Variants in CDC42BPA observed in about 807,000 individuals in gnomAD.
The protein encoded by CDC42BPA is serine/threonine-protein kinase MRCK alpha.
Under a neutral mutation model 223.5 loss-of-function variants are expected in CDC42BPA, and 80 were observed. The observed-to-expected ratio is 0.36, with a 90% CI of 0.30 to 0.43. The LOEUF (loss-of-function observed/expected upper bound fraction) is 0.43. Ranked by LOEUF, CDC42BPA falls within the 20% of genes least tolerant of loss-of-function variation. The pLI is 1.00. For synonymous variants in CDC42BPA, 694 were observed against 718.6 expected (o/e 0.97, Z 0.55); for missense variants, 1,743 against 2,099.9 (o/e 0.83, Z 3.32).
At chr1:227,160,039 G>T (rs776305371) in intron 6 of CDC42BPA, among the ~76,000 whole-genome samples, 4 of 152,142 alleles carry the variant, frequency 2.6e-5, no homozygotes, top group Non-Finnish European at 4.4e-5. Flanking sequence ...CAACTGACGG[G>T]TTTAGGGTTA....
intron 10 of CDC42BPA, among the ~76,000 whole-genome samples, chr1:227,130,574 T>C (rs1266171237): frequency 6.6e-6 from 1 of 151,736 alleles, no homozygotes; most frequent in Non-Finnish European, 1.5e-5. Flanking sequence ...GCAGGGGAGG[T>C]GTAGGTGCGG....
At chr1:227,010,839 TG>T (rs776185417) in intron 34 of CDC42BPA, 1 of 1,233,942 alleles carries the variant, frequency 8.1e-7, no homozygotes, top group East Asian at 5.6e-5. Context: ...AATCCATACA[TG>T]GTTAGTGAAA....
intron 8 of CDC42BPA, among the ~76,000 whole-genome samples, chr1:227,143,734 TC>T (rs1660133699): frequency 6.6e-6 from 1 of 152,190 alleles, no homozygotes; most frequent in Non-Finnish European, 1.5e-5. Flanking sequence ...ATATAAAGTG[TC>T]TTTAAAGAGA....
intron 10 of CDC42BPA, among the ~76,000 whole-genome samples, chr1:227,138,185 A>AT (rs1200869252): frequency 6.6e-6 from 1 of 152,058 alleles, no homozygotes; most frequent in African/African-American, 2.4e-5. Context: ...AAGTTTTGTG[A>AT]TTGTAAAACT....
intron 5 of CDC42BPA, among the ~76,000 whole-genome samples, chr1:227,166,413 GAGAAAATGGCTTTTCC>G (rs1344562897): frequency 4.6e-5 from 7 of 152,166 alleles, no homozygotes; most frequent in Non-Finnish European, 1.0e-4. Context: ...TAGGGTAAAA[GAGAAAATGGCTTTTCC>G]ATCTAGCTGG....
Position 227,317,173 on chromosome 1 carries a change from C to T in CDC42BPA, c.10G>A (p.Glu4Lys). ...TGCTCCAACTGCCTCAAACGCACTT[C>T]TCCAGACATGTTTGCTTCGATTTCT... MSG[E>K]VRLRQLEQFI... is the part of the protein sequence containing the mutation. Residue 4 changes from glutamate (E) to lysine (K), a missense_variant, in exon 1 of 37, where the codon GAA (glutamate) becomes AAA (lysine). Glu to Lys is a moderately conservative substitution (Grantham distance 56, BLOSUM62 1). Transcript: ENST00000366766. 2 of 1,607,862 alleles carry T rather than the reference C, an allele frequency of 1.2e-6. No individual in the cohort carries two copies. Among genetic ancestry groups the T allele is most frequent in the Non-Finnish European group, 1.7e-6 (2 of 1,178,130 alleles).
chr1:227,103,039 C>T (rs1685311997), intron 14 of CDC42BPA, among the ~76,000 whole-genome samples: 1 of 151,966 alleles, frequency 6.6e-6, no homozygotes, highest in Non-Finnish European at 1.5e-5. Context: ...TTACGTGAAA[C>T]ATCAGAGATA....
chr1:227,162,156 T>G (rs1024107548), intron 5 of CDC42BPA, among the ~76,000 whole-genome samples: 1 of 152,102 alleles, frequency 6.6e-6, no homozygotes, highest in Non-Finnish European at 1.5e-5. Flanking sequence ...AAGACAGGAT[T>G]TATATGCATC....
intron 2 of CDC42BPA, among the ~76,000 whole-genome samples, chr1:227,215,811 A>AT (rs1409642464): frequency 2.0e-5 from 3 of 152,218 alleles, no homozygotes; most frequent in Admixed American, 6.5e-5. Flanking sequence ...ACTTTCTGTA[A>AT]TTTTAGACTT....
intron 25 of CDC42BPA, 89 bp downstream of exon 25, chr1:227,035,382 A>G: frequency 2.1e-6 from 2 of 957,154 alleles, no homozygotes; most frequent in Non-Finnish European, 3.1e-6. Context: ...TTTTCCATCA[A>G]GAACTATCCT....
intron 5 of CDC42BPA, among the ~76,000 whole-genome samples, chr1:227,164,140 C>T (rs928872907): frequency 1.3e-5 from 2 of 152,052 alleles, no homozygotes; most frequent in Admixed American, 6.6e-5. Flanking sequence ...TGGAACTCTC[C>T]CACACAAGCC....
At chr1:227,044,343 A>G (rs1671967459) in intron 23 of CDC42BPA, among the ~76,000 whole-genome samples, 1 of 152,176 alleles carries the variant, frequency 6.6e-6, no homozygotes. Context: ...TTTGATATAA[A>G]GCCCACGAAT....
At chr1:227,048,074 T>A in intron 22 of CDC42BPA, 64 bp from the exon 23 acceptor site, 1 of 951,648 alleles carries the variant, frequency 1.1e-6, no homozygotes, top group Non-Finnish European at 1.6e-6. Context: ...CAAATATAAC[T>A]AGAAAGAAGC....
chr1:227,315,692 C>G (rs1214267085), intron 1 of CDC42BPA, among the ~76,000 whole-genome samples: 1 of 152,060 alleles, frequency 6.6e-6, no homozygotes, highest in Non-Finnish European at 1.5e-5. Context: ...ACTCACAAAA[C>G]CAGTACCAAA....
intron 2 of CDC42BPA, among the ~76,000 whole-genome samples, chr1:227,225,821 T>C (rs889943461): frequency 3.3e-5 from 5 of 152,222 alleles, no homozygotes; most frequent in Non-Finnish European, 7.3e-5. Flanking sequence ...TGACTAGTAC[T>C]AGTGGCCTTA....
chr1:227,174,168 T>G (rs116405354), intron 5 of CDC42BPA, among the ~76,000 whole-genome samples: 2 of 152,170 alleles, frequency 1.3e-5, no homozygotes, highest in Non-Finnish European at 2.9e-5. Flanking sequence ...TACTGGAACA[T>G]AGCCCACTGT....
At chr1:226,996,713 T>A (rs1156835612) in intron 35 of CDC42BPA, among the ~76,000 whole-genome samples, 2 of 152,260 alleles carry the variant, frequency 1.3e-5, no homozygotes, top group Non-Finnish European at 2.9e-5. Flanking sequence ...TCTATTGAGA[T>A]AATCATGTGG....
intron 23 of CDC42BPA, among the ~76,000 whole-genome samples, chr1:227,043,833 G>A (rs1671873797): frequency 6.6e-6 from 1 of 152,046 alleles, no homozygotes; most frequent in Non-Finnish European, 1.5e-5. Context: ...TCATCATGTT[G>A]CCTAATGAAT....
At chr1:227,181,234 A>T (rs1667881478) in intron 5 of CDC42BPA, among the ~76,000 whole-genome samples, 1 of 152,182 alleles carries the variant, frequency 6.6e-6, no homozygotes. Flanking sequence ...AAAAGATATG[A>T]CTGCCAAAAT....
Sources: gnomAD v4.1 joint callset for allele counts (sites outside exome capture counted in the v4.1 genomes callset) on GRCh38, gnomAD v4.1.1 for gene constraint, MANE v1.5 for transcripts, NCBI Gene and HGNC (gene_info 2026-07-23, HGNC 2026-07-21) for gene names.